The following FSTL5 variants were observed in gnomAD, a reference collection of about 807,000 sequenced individuals.
FSTL5 encodes follistatin-related protein 5.
FSTL5 carries 62 observed loss-of-function variants against 89.1 expected under a neutral mutation model. The observed-to-expected ratio is 0.70, with a 90% confidence interval of 0.57 to 0.86. The LOEUF is 0.86. FSTL5 is among the 40% of genes least tolerant of loss of function. FSTL5 has a pLI of 0.00. For synonymous variants in FSTL5, 383 were observed against 346.2 expected (o/e 1.11, Z -1.18); for missense variants, 1,057 against 1,001.6 (o/e 1.06, Z -0.75).
chr4:161,899,660 C>T (rs980883822), intron 4 of FSTL5, among the ~76,000 whole-genome samples: 1 of 152,022 alleles, frequency 6.6e-6, no homozygotes, highest in Admixed American at 6.6e-5. Flanking sequence ...CAAATAATGG[C>T]CCTGATCCCC....
At chr4:161,507,521 T>C (rs528303705) in intron 11 of FSTL5, among the ~76,000 whole-genome samples, 14 of 151,838 alleles carry the variant, frequency 9.2e-5, no homozygotes, top group Non-Finnish European at 1.5e-4. Flanking sequence ...TTAGATCTTA[T>C]TCATCTATGA....
chr4:162,159,517 TTAA>T, intron 1 of FSTL5, among the ~76,000 whole-genome samples: 2 of 152,168 alleles, frequency 1.3e-5, no homozygotes, highest in Middle Eastern at 3.4e-3. Context: ...CCACATTAAA[TTAA>T]TATTAATTAC....
At chr4:161,835,964 A>C (rs1441493468) in intron 4 of FSTL5, among the ~76,000 whole-genome samples, 1 of 152,060 alleles carries the variant, frequency 6.6e-6, no homozygotes, top group East Asian at 1.9e-4. Flanking sequence ...GTATATACCC[A>C]AAGGACTATA....
chr4:161,398,200 C>A (rs917442223), intron 15 of FSTL5, among the ~76,000 whole-genome samples: 1 of 151,990 alleles, frequency 6.6e-6, no homozygotes, highest in African/African-American at 2.4e-5. Flanking sequence ...AAGTAGCATG[C>A]ACAAGGATAT....
At chr4:161,662,647 C>T (rs1418905954) in intron 6 of FSTL5, among the ~76,000 whole-genome samples, 2 of 151,814 alleles carry the variant, frequency 1.3e-5, no homozygotes, top group Non-Finnish European at 2.9e-5. Flanking sequence ...CTTTTGAATC[C>T]CAGAATGAGA....
intron 7 of FSTL5, among the ~76,000 whole-genome samples, chr4:161,633,802 G>A (rs1246489575): frequency 6.6e-6 from 1 of 152,024 alleles, no homozygotes; most frequent in African/African-American, 2.4e-5. Context: ...ATGAGCATGA[G>A]ACAACAGTTT....
At chr4:161,834,748 C>T (rs995502576) in intron 4 of FSTL5, among the ~76,000 whole-genome samples, 11 of 151,986 alleles carry the variant, frequency 7.2e-5, no homozygotes, top group South Asian at 2.1e-4. Flanking sequence ...TTACAAGGGA[C>T]GTGAAGGACC....
chr4:161,608,584 A>G (rs1302635818), intron 7 of FSTL5, among the ~76,000 whole-genome samples: 1 of 152,124 alleles, frequency 6.6e-6, no homozygotes, highest in African/African-American at 2.4e-5. Context: ...CACATTTCTA[A>G]AATTACAAAA....
intron 3 of FSTL5, among the ~76,000 whole-genome samples, chr4:161,947,714 T>C (rs573526497): frequency 6.6e-6 from 1 of 152,284 alleles, no homozygotes; most frequent in African/African-American, 2.4e-5. Context: ...TCGAGATCTG[T>C]TGAATTTCCA....
intron 4 of FSTL5, among the ~76,000 whole-genome samples, chr4:161,820,461 T>C (rs963453839): frequency 1.3e-5 from 2 of 152,230 alleles, no homozygotes; most frequent in South Asian, 2.1e-4. Flanking sequence ...TTGAAAAATA[T>C]GTCATTGAAA....
chr4:161,786,052 A>G (rs879258090), intron 4 of FSTL5, among the ~76,000 whole-genome samples: 1 of 152,090 alleles, frequency 6.6e-6, no homozygotes, highest in African/African-American at 2.4e-5. Flanking sequence ...TTGACCAAAC[A>G]AGAGATAATA....
intron 3 of FSTL5, among the ~76,000 whole-genome samples, chr4:161,989,211 A>C (rs1736045804): frequency 6.6e-6 from 1 of 152,174 alleles, no homozygotes; most frequent in African/African-American, 2.4e-5. Context: ...AGGAGATCCA[A>C]GGCAAGAAAG....
At chr4:161,510,748 AG>A (rs1309501200) in intron 10 of FSTL5, among the ~76,000 whole-genome samples, 3 of 151,692 alleles carry the variant, frequency 2.0e-5, no homozygotes, top group Non-Finnish European at 4.4e-5. Flanking sequence ...TTTTAGAGCA[AG>A]CATTAGTAGT....
intron 2 of FSTL5, among the ~76,000 whole-genome samples, chr4:162,094,622 CT>C (rs1287754552): frequency 1.3e-5 from 2 of 151,890 alleles, no homozygotes; most frequent in African/African-American, 2.4e-5. Context: ...GAAAGAATAC[CT>C]ACTGTAGGAT....
At chr4:161,651,771 A>C (rs749906781) in intron 7 of FSTL5, among the ~76,000 whole-genome samples, 4 of 152,218 alleles carry the variant, frequency 2.6e-5, no homozygotes, top group Non-Finnish European at 4.4e-5. Context: ...ACTGAAGATT[A>C]ATTGGAATCC....
chr4:161,866,663 A>T (rs1016778091), intron 4 of FSTL5, among the ~76,000 whole-genome samples: 6 of 151,972 alleles, frequency 3.9e-5, no homozygotes, highest in African/African-American at 1.4e-4. Flanking sequence ...AACAACAATT[A>T]TAATTTTTAT....
intron 15 of FSTL5, among the ~76,000 whole-genome samples, chr4:161,414,010 G>A (rs1731688733): frequency 6.6e-6 from 1 of 152,206 alleles, no homozygotes; most frequent in South Asian, 2.1e-4. Context: ...AAACCTCAGT[G>A]TCACTCCATA....
chr4:161,952,691 AATAG>A (rs1243229653), intron 3 of FSTL5, among the ~76,000 whole-genome samples: 1 of 151,906 alleles, frequency 6.6e-6, no homozygotes, highest in Non-Finnish European at 1.5e-5. Context: ...TAATTTAACA[AATAG>A]ATAAAGGATG....
At chr4:162,129,429 T>C (rs536252500) in intron 1 of FSTL5, among the ~76,000 whole-genome samples, 2 of 152,332 alleles carry the variant, frequency 1.3e-5, no homozygotes, top group South Asian at 4.1e-4. Flanking sequence ...TGTCATATTC[T>C]TTACAAAAAG....
Sources: gnomAD v4.1 joint callset for allele counts (sites outside exome capture counted in the v4.1 genomes callset) on GRCh38, gnomAD v4.1.1 for gene constraint, MANE v1.5 for transcripts, NCBI Gene and HGNC (gene_info 2026-07-23, HGNC 2026-07-21) for gene names.